The following AMMECR1 variants were observed in gnomAD, a reference collection of about 807,000 sequenced individuals.
AMMECR1 encodes nuclear protein AMMECR1.
In AMMECR1, 3 loss-of-function variants were observed where a neutral mutation model predicts 22.5. That is an observed-to-expected ratio of 0.13 (90% CI 0.06 to 0.35). The LOEUF is 0.35. Among genes scored for constraint, AMMECR1 ranks in the 10% least tolerant of loss-of-function variants. The pLI is 1.00. For synonymous variants in AMMECR1, 130 were observed against 116.7 expected, an observed-to-expected ratio of 1.11 and a Z score of -0.74; for missense variants, 235 against 278.7, an observed-to-expected ratio of 0.84 and a Z score of 1.12.
chrX:110,238,680 A>T (rs2067614366), intron 2 of AMMECR1, among the ~76,000 whole-genome samples: 1 of 112,502 alleles, frequency 8.9e-6, no homozygotes, highest in Admixed American at 9.3e-5. Flanking sequence ...ATCTCCCAGC[A>T]CAGTGCTCGA....
chrX:110,264,441 GTT>G (rs765373514), intron 2 of AMMECR1, 46 bp downstream of exon 2: 13 of 614,824 alleles, frequency 2.1e-5, no homozygotes, highest in Admixed American at 3.5e-5. Context: ...AGTTTCATAA[GTT>G]TTTTTTTTTA....
At chrX:110,277,784 A>G (rs1004489476) in intron 1 of AMMECR1, among the ~76,000 whole-genome samples, 1 of 111,606 alleles carries the variant, frequency 9.0e-6, no homozygotes, top group Non-Finnish European at 1.9e-5. Context: ...AAAGAAATTA[A>G]AGCACTCAGG....
In AMMECR1 at chrX:110,317,886, T is replaced by A. The variant is rs1381039948; in HGVS notation, c.186A>T (p.Gly62=). 7.6e-6 allele frequency: 9 copies of A among 1,185,256 alleles called. 1 individual carries two copies. The African/African-American group carries it at 1.4e-4, about 19-fold the overall frequency. ...AGAGGGTACAGCCGCTGCCGCTACC[T>A]CCTCCGGTTAGACCTCCCAGCCCGT... is the stretch of plus-strand genomic sequence containing the variant. The part of the protein sequence containing the change: ...RLNGLGGLTG[G]GSGSGCTLSP... The change falls in exon 1 of 6, where the codon GGA becomes GGT. Residue 62 remains glycine (G), a synonymous_variant. Transcript: ENST00000262844.
chrX:110,224,799 A>G (rs2148176528), intron 2 of AMMECR1, among the ~76,000 whole-genome samples: 1 of 111,373 alleles, frequency 9.0e-6, no homozygotes, highest in Admixed American at 9.6e-5. Flanking sequence ...CTATAGCAAA[A>G]TCCTTAGGTA....
At chrX:110,244,340 G>A (rs1415740904) in intron 2 of AMMECR1, among the ~76,000 whole-genome samples, 1 of 111,600 alleles carries the variant, frequency 9.0e-6, no homozygotes, top group Non-Finnish European at 1.9e-5. Flanking sequence ...AGTCAGGGAT[G>A]TAACTTGGGC....
intron 2 of AMMECR1, among the ~76,000 whole-genome samples, chrX:110,223,286 C>G (rs1415362117): frequency 8.9e-6 from 1 of 112,286 alleles, no homozygotes; most frequent in Non-Finnish European, 1.9e-5. Context: ...TAGAAATGAA[C>G]TACTAGAAAC....
chrX:110,397,511 T>C (rs1194895831), intron 2 of AMMECR1, among the ~76,000 whole-genome samples: 1 of 110,420 alleles, frequency 9.1e-6, no homozygotes. Flanking sequence ...GCTGCTACCA[T>C]TCCTTGGCTA....
intron 2 of AMMECR1, among the ~76,000 whole-genome samples, chrX:110,337,316 C>G (rs190775291): frequency 8.9e-6 from 1 of 112,105 alleles, no homozygotes; most frequent in East Asian, 2.8e-4. Context: ...TTTAATTATT[C>G]AAGTTTTCTG....
intron 2 of AMMECR1, among the ~76,000 whole-genome samples, chrX:110,373,225 T>C (rs977546419): frequency 8.9e-6 from 1 of 111,911 alleles, no homozygotes; most frequent in African/African-American, 3.3e-5. Flanking sequence ...GTAAATGTGC[T>C]ATATTGCTTC....
chrX:110,339,969 AACATACACAC>A (rs1333389739), intron 2 of AMMECR1, among the ~76,000 whole-genome samples: 180 of 90,040 alleles, frequency 2.0e-3, no homozygotes, highest in African/African-American at 7.0e-3. Context: ...TTGAAGGCAA[AACATACACAC>A]ACACACACAC....
At chrX:110,399,755 C>T (rs755685972) in intron 2 of AMMECR1, among the ~76,000 whole-genome samples, 1 of 111,902 alleles carries the variant, frequency 8.9e-6, no homozygotes, top group Admixed American at 9.5e-5. Flanking sequence ...TAGCATAAGA[C>T]TATAGTGTGG....
At chrX:110,343,491 A>T (rs1017099357) in intron 2 of AMMECR1, among the ~76,000 whole-genome samples, 25 of 111,290 alleles carry the variant, frequency 2.2e-4, no homozygotes, top group African/African-American at 8.2e-4. Flanking sequence ...AGTTCTGGCC[A>T]GGGCAATCAG....
Position 110,317,883 on chromosome X carries a change from A to G in AMMECR1, c.189T>C (p.Gly63=), listed in dbSNP as rs759492332. ...GAGAGAGGGTACAGCCGCTGCCGCT[A>G]CCTCCTCCGGTTAGACCTCCCAGCC... ...LNGLGGLTGG[G]SGSGCTLSPP... is the part of the protein sequence containing the mutation. Residue 63 remains glycine, a synonymous_variant, in exon 1 of 6, where the codon GGT becomes GGC. Transcript: ENST00000262844. The G allele has an allele frequency of 2.5e-6, 3 of 1,184,913 alleles. No individual in the cohort carries two copies. Among genetic ancestry groups the G allele is most frequent in the Non-Finnish European group, 2.3e-6 (2 of 882,377 alleles).
chrX:110,432,299 C>T (rs749160237), intron 1 of AMMECR1, among the ~76,000 whole-genome samples: 5 of 112,435 alleles, frequency 4.4e-5, no homozygotes, highest in African/African-American at 9.7e-5. Flanking sequence ...AGCCACATGG[C>T]GGCTTCCTAC....
intron 2 of AMMECR1, among the ~76,000 whole-genome samples, chrX:110,324,887 AT>A (rs1283134491): frequency 9.0e-6 from 1 of 110,947 alleles, no homozygotes; most frequent in Non-Finnish European, 1.9e-5. Context: ...TGCTGGATCC[AT>A]TTACTAGTAT....
chrX:110,438,432 G>A (rs1445497732), intron 1 of AMMECR1, among the ~76,000 whole-genome samples: 1 of 111,433 alleles, frequency 9.0e-6, no homozygotes. Context: ...ATCAGAATCC[G>A]TAATCTGCCC....
At chrX:110,275,857 A>T (rs1230320541) in intron 1 of AMMECR1, among the ~76,000 whole-genome samples, 1 of 111,700 alleles carries the variant, frequency 9.0e-6, no homozygotes, top group Non-Finnish European at 1.9e-5. Context: ...ATAAATAATT[A>T]AAAAATTATA....
At chrX:110,393,232 A>G (rs1231944104) in intron 2 of AMMECR1, among the ~76,000 whole-genome samples, 2 of 108,338 alleles carry the variant, frequency 1.8e-5, no homozygotes, top group African/African-American at 3.4e-5. Flanking sequence ...CTTAACTTCC[A>G]GGACCCTCAT....
At chrX:110,351,305 A>C (rs2068210313) in intron 2 of AMMECR1, among the ~76,000 whole-genome samples, 1 of 112,159 alleles carries the variant, frequency 8.9e-6, no homozygotes, top group Admixed American at 9.4e-5. Flanking sequence ...ATCTTAAAAA[A>C]GACATTAGTT....
Sources: gnomAD v4.1 joint callset for allele counts (sites outside exome capture counted in the v4.1 genomes callset) on GRCh38, gnomAD v4.1.1 for gene constraint, MANE v1.5 for transcripts, NCBI Gene and HGNC (gene_info 2026-07-23, HGNC 2026-07-21) for gene names.